The following NDUFAF2 variants were observed in gnomAD, a reference collection of about 807,000 sequenced individuals.
NDUFAF2 encodes the protein NADH:ubiquinone oxidoreductase complex assembly factor 2.
NDUFAF2 carries 13 observed loss-of-function variants against 22.8 expected under a neutral mutation model. The observed-to-expected ratio is 0.57, with a 90% CI of 0.37 to 0.91. The LOEUF (loss-of-function observed/expected upper bound fraction) is 0.91, where lower values mean the gene tolerates loss of function less well. Ranked by LOEUF, NDUFAF2 falls within the 40% of genes least tolerant of loss-of-function variation. The pLI is 0.01. For missense variants in NDUFAF2, 162 were observed against 195.2 expected (o/e 0.83, Z 1.01); for synonymous variants, 53 against 64.2 (o/e 0.83, Z 0.84).
intron 1 of NDUFAF2, among the ~76,000 whole-genome samples, chr5:60,952,422 T>C (rs998822185): frequency 6.6e-6 from 1 of 152,038 alleles, no homozygotes; most frequent in Non-Finnish European, 1.5e-5. Context: ...TATATTTTCT[T>C]ATTTATTTTT....
intron 1 of NDUFAF2, among the ~76,000 whole-genome samples, chr5:61,068,743 T>C (rs1006695198): frequency 6.6e-6 from 1 of 152,154 alleles, no homozygotes; most frequent in African/African-American, 2.4e-5. Context: ...TGAAAGGCAG[T>C]GGTTTTTCTT....
intron 1 of NDUFAF2, among the ~76,000 whole-genome samples, chr5:60,988,633 A>G (rs1053517733): frequency 1.3e-5 from 2 of 152,176 alleles, no homozygotes; most frequent in African/African-American, 2.4e-5. Context: ...CCACACACCT[A>G]CAACCATCTG....
At chr5:60,952,738 A>C (rs1020343617) in intron 1 of NDUFAF2, among the ~76,000 whole-genome samples, 2 of 152,092 alleles carry the variant, frequency 1.3e-5, no homozygotes, top group Non-Finnish European at 2.9e-5. Context: ...TTGTATATTC[A>C]CACTGATTTT....
intron 1 of NDUFAF2, among the ~76,000 whole-genome samples, chr5:61,062,519 A>G (rs923335674): frequency 3.9e-5 from 6 of 152,154 alleles, no homozygotes; most frequent in African/African-American, 1.4e-4. Context: ...AGAGGAAAAA[A>G]GAATGAAAAA....
At chr5:61,041,439 T>C (rs985959302) in intron 1 of NDUFAF2, among the ~76,000 whole-genome samples, 11 of 152,162 alleles carry the variant, frequency 7.2e-5, no homozygotes, top group Admixed American at 7.2e-4. Flanking sequence ...TCATGAATTT[T>C]AATACACAAA....
chr5:61,036,389 C>T (rs886657476), intron 1 of NDUFAF2, among the ~76,000 whole-genome samples: 1 of 152,214 alleles, frequency 6.6e-6, no homozygotes, highest in African/African-American at 2.4e-5. Flanking sequence ...TAATCCAGCA[C>T]TCATTGTAGA....
In NDUFAF2 at chr5:61,040,565, C is replaced by CT. The variant is rs139556566; in HGVS notation, c.128-32551dup. 5.9e-3 allele frequency among the ~76,000 whole-genome samples: 886 copies of CT among 150,644 alleles called. 14 individuals carry two copies. The highest frequency in any genetic ancestry group is 0.02 in the African/African-American group (833 of 41,086). ...CTCCCATAAATATATATTTTTTTGCCTTTTTTTTTGTACAAATTTCTATCA... is the reference window on the plus strand; with the variant it reads ...CTCCCATAAATATATATTTTTTTGCCTTTTTTTTTTGTACAAATTTCTATCA... On this transcript the variant is annotated intron_variant, in intron 1 of 3. Transcript: ENST00000296597.
intron 1 of NDUFAF2, among the ~76,000 whole-genome samples, chr5:61,050,012 A>C (rs1752004926): frequency 6.6e-6 from 1 of 152,102 alleles, no homozygotes; most frequent in African/African-American, 2.4e-5. Flanking sequence ...GGCCATTGTG[A>C]ATAATGCTGC....
At chr5:60,948,173 C>T (rs1018528020) in intron 1 of NDUFAF2, among the ~76,000 whole-genome samples, 1 of 152,162 alleles carries the variant, frequency 6.6e-6, no homozygotes, top group African/African-American at 2.4e-5. Flanking sequence ...CATCTGATTT[C>T]TGACACTATA....
At chr5:61,028,240 T>C (rs1751676531) in intron 1 of NDUFAF2, among the ~76,000 whole-genome samples, 1 of 152,012 alleles carries the variant, frequency 6.6e-6, no homozygotes, top group Admixed American at 6.6e-5. Flanking sequence ...CCTTTTTCTT[T>C]ATAGCATGAA....
chr5:61,105,649 C>T (rs1466726268), intron 3 of NDUFAF2, among the ~76,000 whole-genome samples: 3 of 143,150 alleles, frequency 2.1e-5, no homozygotes, highest in Non-Finnish European at 4.5e-5. Context: ...AAAAAAGCAG[C>T]TACAGAAGAT....
At chr5:61,010,195 T>C (rs1335891446) in intron 1 of NDUFAF2, among the ~76,000 whole-genome samples, 1 of 152,124 alleles carries the variant, frequency 6.6e-6, no homozygotes, top group East Asian at 1.9e-4. Context: ...CTGGTCTTGG[T>C]GAGATTTCTG....
At chr5:61,109,714 C>T (rs192953948) in intron 3 of NDUFAF2, among the ~76,000 whole-genome samples, 27 of 152,222 alleles carry the variant, frequency 1.8e-4, no homozygotes, top group African/African-American at 6.3e-4. Context: ...CTCATGAGAT[C>T]TGATGGTTTT....
chr5:61,146,291 T>A (rs1741136919), intron 3 of NDUFAF2: 1 of 152,154 alleles, frequency 6.6e-6, no homozygotes, highest in African/African-American at 2.4e-5. Context: ...TTGGTGGACG[T>A]AGAGTTTTAG....
chr5:61,052,037 T>G (rs1385423910), intron 1 of NDUFAF2, among the ~76,000 whole-genome samples: 1 of 152,192 alleles, frequency 6.6e-6, no homozygotes. Flanking sequence ...TTTATTTTGC[T>G]TTCATTCGAA....
intron 2 of NDUFAF2, among the ~76,000 whole-genome samples, chr5:61,073,868 A>C (rs1420180241): frequency 6.6e-6 from 1 of 152,256 alleles, no homozygotes; most frequent in Non-Finnish European, 1.5e-5. Flanking sequence ...GTTTTATTGC[A>C]TAAAAAGCTA....
At chr5:61,101,137 T>C (rs1561565131) in intron 3 of NDUFAF2, among the ~76,000 whole-genome samples, 1 of 152,176 alleles carries the variant, frequency 6.6e-6, no homozygotes, top group Non-Finnish European at 1.5e-5. Context: ...AAAATTTTTC[T>C]TAATGTAAAG....
chr5:61,037,197 A>G (rs1479821455), intron 1 of NDUFAF2, among the ~76,000 whole-genome samples: 1 of 152,190 alleles, frequency 6.6e-6, no homozygotes, highest in African/African-American at 2.4e-5. Context: ...CACATGGACT[A>G]TAAGATGAAG....
chr5:61,146,131 C>T (rs918068699), intron 3 of NDUFAF2: 3 of 152,144 alleles, frequency 2.0e-5, no homozygotes, highest in Non-Finnish European at 2.9e-5. Flanking sequence ...AACAACAGCC[C>T]TTTTGTCTCA....
Sources: allele counts gnomAD v4.1 joint callset (sites outside exome capture counted in the v4.1 genomes callset), GRCh38; gene constraint gnomAD v4.1.1; transcripts MANE v1.5; gene names NCBI Gene and HGNC (gene_info 2026-07-23, HGNC 2026-07-21).